Variants in AKAP6 observed in about 807,000 individuals in gnomAD.
The protein encoded by AKAP6 is A-kinase anchoring protein 6.
A neutral mutation model predicts 188.5 loss-of-function variants in AKAP6; 58 were observed. The observed-to-expected ratio is 0.31, with a 90% CI of 0.25 to 0.38. The LOEUF (loss-of-function observed/expected upper bound fraction) is 0.38, where lower values mean the gene tolerates loss of function less well. Among genes scored for constraint, AKAP6 ranks in the 10% least tolerant of loss-of-function variants. The pLI is 1.00. For synonymous variants in AKAP6, 989 were observed against 998.6 expected, an observed-to-expected ratio of 0.99 and a Z score of 0.18; for missense variants, 2,710 against 2,740.0, an observed-to-expected ratio of 0.99 and a Z score of 0.24.
chr14:32,708,725 G>A (rs1363257193), intron 9 of AKAP6, among the ~76,000 whole-genome samples: 1 of 151,878 alleles, frequency 6.6e-6, no homozygotes, highest in Non-Finnish European at 1.5e-5. Flanking sequence ...ATTAGCATCT[G>A]ACAGATTTGT....
intron 8 of AKAP6, among the ~76,000 whole-genome samples, chr14:32,684,067 G>A (rs1889807869): frequency 6.6e-6 from 1 of 152,182 alleles, no homozygotes; most frequent in African/African-American, 2.4e-5. Flanking sequence ...ATAACAGGGA[G>A]GAAAAGCAGA....
chr14:32,548,249 C>T (rs891078514), intron 4 of AKAP6, among the ~76,000 whole-genome samples: 4 of 151,956 alleles, frequency 2.6e-5, no homozygotes, highest in African/African-American at 9.7e-5. Flanking sequence ...TTATAGGCCC[C>T]CACAACCATG....
chr14:32,779,825 C>T (rs1406647955), intron 12 of AKAP6, among the ~76,000 whole-genome samples: 1 of 152,040 alleles, frequency 6.6e-6, no homozygotes, highest in Non-Finnish European at 1.5e-5. Flanking sequence ...GCACTTAAAA[C>T]ACTCTATCCA....
At chr14:32,774,449 T>A (rs977223905) in intron 12 of AKAP6, among the ~76,000 whole-genome samples, 24 of 152,230 alleles carry the variant, frequency 1.6e-4, no homozygotes, top group Admixed American at 6.5e-4. Context: ...GTTACATTGC[T>A]GAGAATTGGC....
At chr14:32,529,963 CTTTTTTTTTTTTTTTT>C (rs11305618) in intron 2 of AKAP6, among the ~76,000 whole-genome samples, 5 of 62,008 alleles carry the variant, frequency 8.1e-5, no homozygotes, top group Non-Finnish European at 1.5e-4. Context: ...GGTAAAGAAA[CTTTTTTTTTTTTTTTT>C]TTTTTTTTTG....
intron 1 of AKAP6, among the ~76,000 whole-genome samples, chr14:32,364,119 A>G (rs1887750231): frequency 1.3e-5 from 2 of 152,186 alleles, no homozygotes; most frequent in Non-Finnish European, 2.9e-5. Flanking sequence ...GCTGCTTTAC[A>G]CTGGGGAGAG....
chr14:32,510,436 G>GTGTATATATATACATATA (rs1462256745), intron 2 of AKAP6, among the ~76,000 whole-genome samples: 57 of 30,156 alleles, frequency 1.9e-3, no homozygotes, highest in African/African-American at 7.7e-3. Context: ...ATATATATAT[G>GTGTATATATATACATATA]TGTATATATA....
chr14:32,822,402 C>T lies in AKAP6; in HGVS notation c.4589C>T (p.Ala1530Val). Reference sequence around the variant, plus strand: ...GTACCTCCCCATGAAAGGATTTTGGCAAGTGCATCTCATGAAATGGATCGC... The same window carrying T: ...GTACCTCCCCATGAAAGGATTTTGGTAAGTGCATCTCATGAAATGGATCGC... ...PDVPPHERIL[A>V]SASHEMDRIS... Residue 1530 changes from alanine (A) to valine (V), a missense_variant, in exon 13 of 14, where the codon GCA becomes GTA. This residue lies in a region of AKAP6 where 2,473 missense variants were observed against 2,426.1 expected (regional missense o/e 1.02). Transcript: ENST00000280979. The T allele has an allele frequency of 6.2e-7, 1 of 1,613,984 alleles. No individual in the cohort carries two copies. Among genetic ancestry groups the T allele is most frequent in the Non-Finnish European group, 8.5e-7 (1 of 1,179,920 alleles).
At chr14:32,729,224 A>C (rs1465859318) in intron 9 of AKAP6, among the ~76,000 whole-genome samples, 1 of 152,054 alleles carries the variant, frequency 6.6e-6, no homozygotes, top group Non-Finnish European at 1.5e-5. Flanking sequence ...CACTGTTTCA[A>C]GGCATTGTTC....
chr14:32,562,846 T>C (rs1884013569), intron 4 of AKAP6, among the ~76,000 whole-genome samples: 1 of 152,200 alleles, frequency 6.6e-6, no homozygotes, highest in Non-Finnish European at 1.5e-5. Context: ...TCACAAAGTT[T>C]CATTAAAGCT....
rs760618988 is a variant in AKAP6 at position 32,824,302 on chromosome 14, C to T, written c.6489C>T (p.Asp2163=). The T allele has an allele frequency of 1.7e-5, 27 of 1,613,816 alleles. 1 individual carries two copies. In the South Asian group the frequency reaches 2.5e-4, roughly 15 times the overall value. The part of the protein sequence containing the change: ...ECFFEACVEG[D]SDGEEPCFSS... The stretch of plus-strand genomic sequence containing the variant: ...TTTTTGAGGCCTGTGTTGAGGGTGA[C>T]TCTGATGGAGAGGAGCCTTGTTTCT... The change falls in exon 13 of 14, where the codon GAC becomes GAT. Residue 2163 remains aspartate (D), a synonymous_variant. Transcript: ENST00000280979.
At chr14:32,530,285 C>G (rs1273577824) in intron 2 of AKAP6, among the ~76,000 whole-genome samples, 1 of 152,070 alleles carries the variant, frequency 6.6e-6, no homozygotes, top group East Asian at 1.9e-4. Context: ...CCTCAGTCTC[C>G]CAAAGTGCTG....
At chr14:32,651,591 A>G (rs1350070293) in intron 7 of AKAP6, among the ~76,000 whole-genome samples, 1 of 152,134 alleles carries the variant, frequency 6.6e-6, no homozygotes, top group Non-Finnish European at 1.5e-5. Context: ...CCTGGTGGCT[A>G]CATTCTCCAG....
At chr14:32,750,747 T>TTG (rs111591123) in intron 11 of AKAP6, among the ~76,000 whole-genome samples, 3,823 of 143,242 alleles carry the variant, frequency 0.027, 132 homozygotes, top group African/African-American at 0.084. Context: ...GTTTTTTTTT[T>TTG]TTTGTTTTTT....
chr14:32,406,194 A>G (rs1466929687), intron 1 of AKAP6, among the ~76,000 whole-genome samples: 1 of 152,042 alleles, frequency 6.6e-6, no homozygotes, highest in Non-Finnish European at 1.5e-5. Flanking sequence ...TGTAGAATAG[A>G]ATACAATTTT....
Position 32,535,538 on chromosome 14 carries a change from C to T in AKAP6, c.325-16C>T. Reference sequence around the variant, plus strand: ...GGCAAAGTAGTCCTCACATATGTTGCTTTTCTTTACTGCAGGACATTTGTG... The same window carrying T: ...GGCAAAGTAGTCCTCACATATGTTGTTTTTCTTTACTGCAGGACATTTGTG... On this transcript the variant is annotated splice_polypyrimidine_tract_variant and intron_variant, in intron 2 of 13. Transcript: ENST00000280979. The T allele has an allele frequency of 6.2e-7, 1 of 1,606,800 alleles. No homozygotes were observed. Among genetic ancestry groups the T allele is most frequent in the Admixed American group, 1.7e-5 (1 of 59,828 alleles).
chr14:32,368,111 C>T (rs950701724), intron 1 of AKAP6, among the ~76,000 whole-genome samples: 9 of 152,174 alleles, frequency 5.9e-5, no homozygotes, highest in African/African-American at 2.2e-4. Context: ...CTGTCTCTCT[C>T]TCTCTCTCTC....
intron 9 of AKAP6, among the ~76,000 whole-genome samples, chr14:32,729,977 A>G (rs1367747658): frequency 3.3e-5 from 5 of 152,122 alleles, no homozygotes; most frequent in African/African-American, 1.2e-4. Flanking sequence ...GATGACCGAA[A>G]ACTGATAGAG....
chr14:32,390,647 A>G (rs951655634), intron 1 of AKAP6, among the ~76,000 whole-genome samples: 1 of 152,074 alleles, frequency 6.6e-6, no homozygotes, highest in African/African-American at 2.4e-5. Flanking sequence ...CAGCAAGTCT[A>G]CCAGGTTCTG....
Sources: gnomAD v4.1 joint callset for allele counts (sites outside exome capture counted in the v4.1 genomes callset) on GRCh38, gnomAD v4.1.1 for gene constraint, gnomAD v4.1.1 regional missense constraint, MANE v1.5 for transcripts, NCBI Gene and HGNC (gene_info 2026-07-23, HGNC 2026-07-21) for gene names.